Variants in BEND7 observed in about 807,000 individuals in gnomAD.
BEND7 encodes BEN domain-containing protein 7.
Under a neutral mutation model 50.9 loss-of-function variants are expected in BEND7, and 28 were observed. The ratio of observed to expected loss-of-function variants is 0.55; its 90% CI spans 0.41 to 0.75. The LOEUF (loss-of-function observed/expected upper bound fraction) is 0.75, where lower values mean the gene tolerates loss of function less well. BEND7 is among the 30% of genes least tolerant of loss of function. The probability of loss-of-function intolerance (pLI) is 0.00; values close to 1 mark genes in which losing one functional copy is unlikely to be tolerated. For missense variants in BEND7, 477 were observed against 491.3 expected (o/e 0.97, Z 0.28); for synonymous variants, 170 against 183.9 (o/e 0.92, Z 0.61).
intron 6 of BEND7, among the ~76,000 whole-genome samples, chr10:13,461,284 G>A (rs1840148371): frequency 6.6e-6 from 1 of 152,208 alleles, no homozygotes; most frequent in East Asian, 1.9e-4. Context: ...CACCCACAGG[G>A]CAAGGGCAAG....
At chr10:13,468,285 A>C (rs575879124) in intron 6 of BEND7, among the ~76,000 whole-genome samples, 1 of 152,286 alleles carries the variant, frequency 6.6e-6, no homozygotes, top group Non-Finnish European at 1.5e-5. Context: ...GGTACAGGGG[A>C]TGAGACTTGG....
Position 13,492,814 on chromosome 10 carries a change from A to G in BEND7, c.634T>C (p.Ser212Pro). The change falls in exon 5 of 9, where the codon TCA becomes CCA. Residue 212 changes from serine to proline, a missense_variant. Transcript: ENST00000466271. ...SLICSQRTAV[S>P]RKRNKKKKVP... ...TTTTTCTTTTTATTTCTCTTTCGTG[A>G]GACAGCAGTTCGCTGGGAGCATATA... The G allele has an allele frequency of 2.5e-6, 4 of 1,608,628 alleles. No homozygotes were observed. Among genetic ancestry groups the G allele is most frequent in the African/African-American group, 1.3e-5 (1 of 74,328 alleles).
At chr10:13,514,862 TACCTGA>T (rs2078548460) in intron 2 of BEND7, among the ~76,000 whole-genome samples, 2 of 152,230 alleles carry the variant, frequency 1.3e-5, no homozygotes, top group South Asian at 4.1e-4. Flanking sequence ...TTTTAAAAGG[TACCTGA>T]ACCTTGCGCT....
In BEND7 at chr10:13,441,575, T is replaced by C. The variant is rs903118504; in HGVS notation, c.*168A>G. ...CTCTTAACAGACCACAGTTGGAAGT[T>C]AGCGTTTCTGCCTTGACCAGCAACA... On this transcript the variant is annotated 3_prime_UTR_variant, in exon 9 of 9. Coordinates refer to ENST00000466271, the MANE Select transcript of BEND7 (RefSeq NM_001369863.1). The C allele has an allele frequency of 2.1e-6, 3 of 1,456,296 alleles. No homozygotes were observed. Among genetic ancestry groups the C allele is most frequent in the African/African-American group, 1.4e-5 (1 of 70,156 alleles). 90.2% of individuals were successfully genotyped at this position (1,456,296 alleles called of 1,614,324 possible). A position where few individuals can be genotyped will look rare whatever the true frequency, so the allele number is the denominator to read the frequency against.
intron 5 of BEND7, among the ~76,000 whole-genome samples, chr10:13,490,761 T>C (rs1420547147): frequency 6.6e-6 from 1 of 152,222 alleles, no homozygotes; most frequent in Non-Finnish European, 1.5e-5. Context: ...ACAGCTGTTC[T>C]AGCAACACTG....
chr10:13,464,857 G>A (rs904076970), intron 6 of BEND7, among the ~76,000 whole-genome samples: 1 of 152,182 alleles, frequency 6.6e-6, no homozygotes, highest in Non-Finnish European at 1.5e-5. Flanking sequence ...ACTCTTTTGG[G>A]ATAAGCACCA....
chr10:13,456,467 G>A (rs1354924069), intron 6 of BEND7, among the ~76,000 whole-genome samples: 1 of 152,178 alleles, frequency 6.6e-6, no homozygotes, highest in Non-Finnish European at 1.5e-5. Context: ...AGAGGAAGAC[G>A]TAGGGCTGAG....
At chr10:13,484,918 C>T (rs774139974) in intron 5 of BEND7, among the ~76,000 whole-genome samples, 1 of 152,202 alleles carries the variant, frequency 6.6e-6, no homozygotes, top group Non-Finnish European at 1.5e-5. Context: ...TGGAGGCAAA[C>T]ACTGCATACA....
intron 6 of BEND7, among the ~76,000 whole-genome samples, chr10:13,453,667 G>A (rs1434975109): frequency 6.6e-6 from 1 of 151,960 alleles, no homozygotes; most frequent in Non-Finnish European, 1.5e-5. Flanking sequence ...ATAGATAAAT[G>A]GGCAAAAAAT....
In BEND7 at chr10:13,477,390, G is replaced by T. The variant is rs528973752; in HGVS notation, c.1063+3509C>A. On this transcript the variant is annotated intron_variant, in intron 6 of 8. Coordinates refer to ENST00000466271, the MANE Select transcript of BEND7 (RefSeq NM_001369863.1). The stretch of plus-strand genomic sequence containing the variant: ...GGTGGTAGACAGTAATAATAGCAAG[G>T]ATAGCCTTGGCACTATTATGTATAA... 1.5e-4 allele frequency among the ~76,000 whole-genome samples: 23 copies of T among 152,254 alleles called. No homozygotes were observed. The South Asian group carries it at 4.6e-3, about 30-fold the overall frequency.
chr10:13,516,002 G>A (rs2078644208), intron 2 of BEND7, among the ~76,000 whole-genome samples: 1 of 152,126 alleles, frequency 6.6e-6, no homozygotes, highest in South Asian at 2.1e-4. Context: ...ACAAGGAAAC[G>A]GCCTCATCTC....
intron 2 of BEND7, 30 bp from the exon 3 acceptor site, chr10:13,500,110 C>T (rs781634050): frequency 2.0e-6 from 3 of 1,490,010 alleles, no homozygotes; most frequent in Admixed American, 2.1e-5. Context: ...AGTTAGCACT[C>T]TAAATTAGTG....
intron 2 of BEND7, among the ~76,000 whole-genome samples, chr10:13,515,490 G>C (rs1355493661): frequency 6.6e-6 from 1 of 152,202 alleles, no homozygotes; most frequent in Admixed American, 6.5e-5. Context: ...CAATTTTATA[G>C]ATTCTTATTT....
chr10:13,450,422 G>A (rs1043777771), intron 7 of BEND7, among the ~76,000 whole-genome samples: 2 of 152,222 alleles, frequency 1.3e-5, no homozygotes, highest in Admixed American at 1.3e-4. Flanking sequence ...CATCATGGAA[G>A]GAAATACAAG....
intron 5 of BEND7, among the ~76,000 whole-genome samples, chr10:13,484,397 T>G (rs981040605): frequency 2.6e-5 from 4 of 152,250 alleles, no homozygotes; most frequent in African/African-American, 9.6e-5. Context: ...ATAAATGTAA[T>G]CACAGTGGAT....
intron 5 of BEND7, among the ~76,000 whole-genome samples, chr10:13,483,371 A>G (rs964868368): frequency 6.6e-6 from 1 of 152,200 alleles, no homozygotes; most frequent in Non-Finnish European, 1.5e-5. Flanking sequence ...CACTTTTCAC[A>G]CAGCATTTGC....
At chr10:13,509,116 C>T (rs1000236742) in intron 2 of BEND7, among the ~76,000 whole-genome samples, 4 of 152,194 alleles carry the variant, frequency 2.6e-5, no homozygotes, top group East Asian at 1.9e-4. Context: ...AGCTATCACA[C>T]GGCTTCTCAA....
downstream of BEND7, chr10:13,439,009 C>G: frequency 1.5e-6 from 1 of 684,420 alleles, no homozygotes; most frequent in South Asian, 2.0e-5. Context: ...ATGGAAACCT[C>G]AGGTCCAACT....
intron 8 of BEND7, 153 bp downstream of exon 8, chr10:13,447,113 G>C (rs76973330): frequency 4.8e-4 from 358 of 743,058 alleles, no homozygotes; most frequent in Non-Finnish European, 7.6e-4. Context: ...TGAGTACGGG[G>C]CCTTGAGAAG....
Sources: allele counts gnomAD v4.1 joint callset (sites outside exome capture counted in the v4.1 genomes callset), GRCh38; gene constraint gnomAD v4.1.1; transcripts MANE v1.5; gene names NCBI Gene and HGNC (gene_info 2026-07-23, HGNC 2026-07-21).